TMEM120B: variants seen among roughly 807,000 people sequenced by gnomAD.
TMEM120B encodes transmembrane protein 120B.
TMEM120B carries 31 observed loss-of-function variants against 55.5 expected under a neutral mutation model. The ratio of observed to expected loss-of-function variants is 0.56; its 90% CI spans 0.42 to 0.75. TMEM120B has a LOEUF of 0.75. TMEM120B is among the 30% of genes least tolerant of loss of function. TMEM120B has a pLI of 0.00. For synonymous variants in TMEM120B, 203 were observed against 176.3 expected, an observed-to-expected ratio of 1.15 and a Z score of -1.20; for missense variants, 399 against 425.5, an observed-to-expected ratio of 0.94 and a Z score of 0.55.
intron 1 of TMEM120B, among the ~76,000 whole-genome samples, chr12:121,714,711 G>A (rs1029616629): frequency 1.3e-5 from 2 of 151,666 alleles, no homozygotes; most frequent in East Asian, 2.0e-4. Flanking sequence ...ATAGGTGCGC[G>A]CCACCATGCC....
intron 1 of TMEM120B, among the ~76,000 whole-genome samples, chr12:121,716,551 C>CT (rs1033001121): frequency 7.0e-5 from 9 of 127,886 alleles, no homozygotes; most frequent in South Asian, 2.4e-4. Flanking sequence ...CTCTTTTTCT[C>CT]TTTTTTTTTC....
intron 1 of TMEM120B, among the ~76,000 whole-genome samples, chr12:121,736,643 G>A (rs982145172): frequency 7.2e-5 from 11 of 151,868 alleles, no homozygotes; most frequent in African/African-American, 2.2e-4. Flanking sequence ...TCCGCCTCCC[G>A]GGTTCAAGCA....
Position 121,780,876 on chromosome 12 carries a change from A to T in TMEM120B, c.*5154A>T, listed in dbSNP as rs1302706919. 1.2e-6 allele frequency: 2 copies of T among 1,613,010 alleles called. No homozygotes were observed. The highest frequency in any genetic ancestry group is 1.7e-5 in the Admixed American group (1 of 59,958). On this transcript the variant is annotated 3_prime_UTR_variant, in exon 12 of 12. Coordinates refer to ENST00000449592, the MANE Select transcript of TMEM120B (RefSeq NM_001080825.2). ...AGGGTCTTGGCCCCGGCCCACCTGC[A>T]TGTAGGTGATGGGCTCCAGCTGGGC...
chr12:121,773,550 A>C, intron 9 of TMEM120B, 37 bp downstream of exon 9: 3 of 1,489,916 alleles, frequency 2.0e-6, no homozygotes, highest in Non-Finnish European at 2.7e-6. Context: ...CGGGGCAGGT[A>C]CTGGACCTGC....
At chr12:121,769,729 T>TGTG (rs1555332868) in intron 6 of TMEM120B, among the ~76,000 whole-genome samples, 3 of 151,820 alleles carry the variant, frequency 2.0e-5, no homozygotes, top group Admixed American at 6.6e-5. Context: ...TGTGTGTGTG[T>TGTG]GTGTGTGTAC....
chr12:121,722,975 A>G (rs1392081671), intron 1 of TMEM120B, among the ~76,000 whole-genome samples: 1 of 151,450 alleles, frequency 6.6e-6, no homozygotes, highest in Admixed American at 6.6e-5. Context: ...CAGCCTCCCA[A>G]GTAGCTGAGA....
chr12:121,768,434 G>A (rs71456710), intron 6 of TMEM120B, among the ~76,000 whole-genome samples: 14 of 152,196 alleles, frequency 9.2e-5, no homozygotes, highest in Non-Finnish European at 1.8e-4. Context: ...CAGAACTGTT[G>A]CATGGGCCGT....
In TMEM120B at chr12:121,772,067, CTTTT is replaced by C. The variant is rs1282472837; in HGVS notation, c.679+520_679+523del. ...TTTCTTTCTTTCTTTTTCTTCCTTT[CTTTT>C]TCTTTCTTTCTCTTTCTCTCTCTCT... On this transcript the variant is annotated intron_variant, in intron 8 of 11. Transcript: ENST00000449592. Among the ~76,000 whole-genome samples, 12 of 149,858 alleles carry C rather than the reference CTTTT, an allele frequency of 8.0e-5. No homozygotes were observed. The East Asian group carries it at 1.4e-3, about 17-fold the overall frequency.
At chr12:121,757,321 C>T (rs1385097036) in intron 5 of TMEM120B, among the ~76,000 whole-genome samples, 3 of 151,504 alleles carry the variant, frequency 2.0e-5, no homozygotes, top group Admixed American at 6.6e-5. Context: ...ACCACCACAC[C>T]CGGATAATTT....
chr12:121,775,959 C>A lies in TMEM120B; in HGVS notation c.*237C>A. 1.7e-6 allele frequency: 1 copy of A among 604,896 alleles called. No homozygotes were observed. Among genetic ancestry groups the A allele is most frequent in the Middle Eastern group, 2.7e-4 (1 of 3,758 alleles). 37.5% of individuals were successfully genotyped at this position (604,896 alleles called of 1,614,324 possible). ...ATCGTCCCTGGAACCCGAGGCCTCA[C>A]TCCTGTGCTTGAAGGTGGCTGAGGC... is the stretch of plus-strand genomic sequence containing the variant. On this transcript the variant is annotated 3_prime_UTR_variant, in exon 12 of 12. Coordinates refer to ENST00000449592, the MANE Select transcript of TMEM120B (RefSeq NM_001080825.2). The surrounding 1 kb of genome is among the most constrained non-coding windows in gnomAD (Gnocchi z 4.3).
At chr12:121,739,142 G>A (rs1029416950) in intron 1 of TMEM120B, among the ~76,000 whole-genome samples, 2 of 152,056 alleles carry the variant, frequency 1.3e-5, no homozygotes, top group Non-Finnish European at 2.9e-5. Context: ...AGCCAAGATC[G>A]CACCACTGTA....
Position 121,712,886 on chromosome 12 carries a change from C to T in TMEM120B, c.-10C>T. The T allele has an allele frequency of 1.3e-6, 2 of 1,519,286 alleles. No homozygotes were observed. The highest frequency in any genetic ancestry group is 1.8e-6 in the Non-Finnish European group (2 of 1,139,668). The allele number at this position is 1,519,286 out of a possible 1,614,324, so 94.1% of individuals were successfully genotyped here. A position where few individuals can be genotyped will look rare whatever the true frequency, so the allele number is the denominator to read the frequency against. The stretch of plus-strand genomic sequence containing the variant: ...CAGCCGCCGGCACCGCCGCCTTGCA[C>T]CATCGCATCATGTCCGGGCAGCTGG... On this transcript the variant is annotated 5_prime_UTR_variant, in exon 1 of 12. Coordinates refer to ENST00000449592, the MANE Select transcript of TMEM120B (RefSeq NM_001080825.2).
At chr12:121,750,621 CACCA>C (rs1873253086) in intron 4 of TMEM120B, among the ~76,000 whole-genome samples, 182 bp downstream of exon 4, 1 of 117,130 alleles carries the variant, frequency 8.5e-6, no homozygotes, top group Non-Finnish European at 1.9e-5. Context: ...CCAACACCAA[CACCA>C]CACCCACACC....
At chr12:121,732,444 C>T (rs905942731) in intron 1 of TMEM120B, among the ~76,000 whole-genome samples, 15 of 152,138 alleles carry the variant, frequency 9.9e-5, no homozygotes, top group African/African-American at 3.1e-4. Flanking sequence ...AATGACAGAG[C>T]GAGAGAATTG....
intron 6 of TMEM120B, among the ~76,000 whole-genome samples, chr12:121,768,243 C>G (rs1431398239): frequency 6.6e-6 from 1 of 152,212 alleles, no homozygotes; most frequent in Non-Finnish European, 1.5e-5. Context: ...TGGTGGCATC[C>G]AGATTAGCTG....
intron 5 of TMEM120B, chr12:121,759,126 T>TG (rs887055253): frequency 7.6e-5 from 67 of 876,418 alleles, no homozygotes; most frequent in Non-Finnish European, 8.7e-5. Flanking sequence ...TCTACTGTTT[T>TG]TTTTTTTTTT....
At chr12:121,738,854 G>A (rs1246942731) in intron 1 of TMEM120B, among the ~76,000 whole-genome samples, 1 of 152,116 alleles carries the variant, frequency 6.6e-6, no homozygotes, top group East Asian at 1.9e-4. Context: ...GACCCCCACT[G>A]GGGGACATTC....
intron 6 of TMEM120B, among the ~76,000 whole-genome samples, chr12:121,764,034 G>A (rs73229928): frequency 0.011 from 1,600 of 152,134 alleles, 13 homozygotes; most frequent in Non-Finnish European, 0.015. Context: ...GAAAACATCA[G>A]TGTGTAGGCC....
intron 1 of TMEM120B, among the ~76,000 whole-genome samples, chr12:121,739,422 C>T (rs1404419170): frequency 1.3e-5 from 2 of 152,032 alleles, no homozygotes; most frequent in African/African-American, 4.8e-5. Flanking sequence ...AGACAATTGA[C>T]CCTTGAACAA....
Sources: gnomAD v4.1 joint callset for allele counts (sites outside exome capture counted in the v4.1 genomes callset) on GRCh38, gnomAD v4.1.1 for gene constraint, Gnocchi (gnomAD v3.1) non-coding constraint, MANE v1.5 for transcripts, NCBI Gene and HGNC (gene_info 2026-07-23, HGNC 2026-07-21) for gene names.